ZMYM2: variants seen among roughly 807,000 people sequenced by gnomAD.
ZMYM2 encodes zinc finger MYM-type containing 2.
Under a neutral mutation model 162.8 loss-of-function variants are expected in ZMYM2, and 56 were observed. The observed-to-expected ratio is 0.34, with a 90% confidence interval of 0.28 to 0.43. The LOEUF (loss-of-function observed/expected upper bound fraction) is 0.43. Ranked by LOEUF, ZMYM2 falls within the 20% of genes least tolerant of loss-of-function variation. ZMYM2 has a pLI of 1.00. For missense variants in ZMYM2, 1,275 were observed against 1,621.8 expected (o/e 0.79, Z 3.67); for synonymous variants, 510 against 541.6 (o/e 0.94, Z 0.81).
chr13:20,085,421 A>G (rs887303450), intron 24 of ZMYM2, among the ~76,000 whole-genome samples: 2 of 152,214 alleles, frequency 1.3e-5, no homozygotes, highest in African/African-American at 4.8e-5. Context: ...TAGTGCTGTA[A>G]GAATTTTTTA....
intron 15 of ZMYM2, among the ~76,000 whole-genome samples, chr13:20,059,189 A>G (rs905397566): frequency 1.3e-5 from 2 of 151,920 alleles, no homozygotes; most frequent in African/African-American, 4.8e-5. Flanking sequence ...CTGGAACTAC[A>G]TAGTGTTTTT....
chr13:19,911,362 G>T, the ZMYM2 span, among the ~76,000 whole-genome samples: 2 of 152,014 alleles, frequency 1.3e-5, no homozygotes, highest in Admixed American at 1.3e-4. Flanking sequence ...TTCGGCCCCA[G>T]TTCTCAGTCT....
At chr13:19,954,593 G>A (rs901853862), upstream of ZMYM2, among the ~76,000 whole-genome samples, 3 of 151,998 alleles carry the variant, frequency 2.0e-5, no homozygotes, top group Admixed American at 6.5e-5. Context: ...TGGATTTTTG[G>A]TTGCTATAAT....
At chr13:20,079,512 T>G (rs1566472715) in intron 21 of ZMYM2, among the ~76,000 whole-genome samples, 1 of 152,036 alleles carries the variant, frequency 6.6e-6, no homozygotes, top group African/African-American at 2.4e-5. Flanking sequence ...TTCTGTAGAT[T>G]CTCATTGGTT....
the ZMYM2 span, among the ~76,000 whole-genome samples, chr13:19,890,930 G>T: frequency 6.6e-6 from 1 of 151,698 alleles, no homozygotes; most frequent in African/African-American, 2.4e-5. Context: ...AAGGTCTTCT[G>T]GTTCTCTTGG....
the ZMYM2 span, among the ~76,000 whole-genome samples, chr13:19,921,434 C>A: frequency 7.3e-3 from 1,108 of 152,196 alleles, 7 homozygotes; most frequent in Non-Finnish European, 0.011. Flanking sequence ...ACCACGGCGC[C>A]CAAACTTGTT....
At chr13:19,869,476 T>C in the ZMYM2 span, among the ~76,000 whole-genome samples, 10 of 152,168 alleles carry the variant, frequency 6.6e-5, no homozygotes, top group Non-Finnish European at 1.2e-4. Context: ...TATATAAGCA[T>C]AGCTACTAAA....
chr13:20,002,942 A>G lies in ZMYM2; in HGVS notation c.940A>G (p.Ile314Val). ...ACCAGTGGCCTCACTTCCTAAACAG[A>G]TTTTCCAGCCGTCTGTCCAACAGCA... ...LSPVASLPKQ[I>V]FQPSVQQQPT... The change falls in exon 4 of 25, where the codon ATT becomes GTT. Residue 314 changes from isoleucine (I) to valine (V), a missense_variant. Physicochemically the swap from Ile to Val is conservative, Grantham distance 29. Transcript: ENST00000610343. 1.2e-6 allele frequency: 2 copies of G among 1,614,104 alleles called. No individual in the cohort carries two copies. Among genetic ancestry groups the G allele is most frequent in the Non-Finnish European group, 1.7e-6 (2 of 1,180,018 alleles).
At chr13:20,014,416 G>A (rs1261857057) in intron 6 of ZMYM2, among the ~76,000 whole-genome samples, 1 of 152,144 alleles carries the variant, frequency 6.6e-6, no homozygotes, top group Non-Finnish European at 1.5e-5. Context: ...GTCTGTTCAC[G>A]TTTTCTATGT....
Position 19,978,438 on chromosome 13 carries a change from C to A in ZMYM2, c.-10-14625C>A, listed in dbSNP as rs568358021. Among the ~76,000 whole-genome samples the A allele has an allele frequency of 2.0e-5, 3 of 150,456 alleles. No homozygotes were observed. In the South Asian group the frequency reaches 6.3e-4, roughly 31 times the overall value. ...TGTTTTTTGGGTTTTTTTTTTGAGA[C>A]GAAGTTTTGCTCTTGTTGCCCAGGC... On this transcript the variant is annotated intron_variant, in intron 2 of 24. Coordinates refer to ENST00000610343, the MANE Select transcript of ZMYM2 (RefSeq NM_197968.4).
the ZMYM2 span, among the ~76,000 whole-genome samples, chr13:19,921,600 A>T: frequency 6.6e-6 from 1 of 152,110 alleles, no homozygotes; most frequent in Admixed American, 6.6e-5. Flanking sequence ...GCTATTGATT[A>T]AAAAAATATG....
chr13:19,939,638 C>CA, the ZMYM2 span, among the ~76,000 whole-genome samples: 1 of 151,828 alleles, frequency 6.6e-6, no homozygotes, highest in East Asian at 1.9e-4. Context: ...TTTGTGACAG[C>CA]AAAAAATTGA....
intron 2 of ZMYM2, among the ~76,000 whole-genome samples, chr13:19,969,599 A>G (rs1566177822): frequency 6.6e-6 from 1 of 152,210 alleles, no homozygotes. Flanking sequence ...AAGGGATTGA[A>G]TAAAAGAGAT....
At position 19,969,958 on chromosome 13, in the gene ZMYM2, C is replaced by T. The variant is rs140537821; in HGVS notation, c.-11+9932C>T. 594 of 800,436 alleles carry T rather than the reference C, an allele frequency of 7.4e-4. 5 individuals carry two copies. In the African/African-American group the frequency reaches 0.011, roughly 14 times the overall value. 49.6% of individuals were successfully genotyped at this position (800,436 alleles called of 1,614,324 possible). On this transcript the variant is annotated intron_variant, in intron 2 of 24. Transcript: ENST00000610343. ...TATTAGAGAAATAGATTCTTAGTAC[C>T]TGAAGTCTACCTTATTGGATCTCTG...
intron 2 of ZMYM2, among the ~76,000 whole-genome samples, chr13:19,986,042 C>A (rs1216416137): frequency 6.6e-6 from 1 of 151,698 alleles, no homozygotes; most frequent in East Asian, 1.9e-4. Flanking sequence ...ACAAAAAAAT[C>A]AGCCTGGCGT....
the ZMYM2 span, among the ~76,000 whole-genome samples, chr13:19,899,192 T>C: frequency 1.1e-3 from 163 of 151,664 alleles, no homozygotes; most frequent in Non-Finnish European, 1.8e-3. Context: ...CCTTGTGATC[T>C]GCCTGCCTCT....
intron 9 of ZMYM2, among the ~76,000 whole-genome samples, chr13:20,027,638 T>G (rs1952705332): frequency 6.6e-6 from 1 of 152,128 alleles, no homozygotes; most frequent in Non-Finnish European, 1.5e-5. Context: ...AACTGTTATG[T>G]GACAAACGGA....
the ZMYM2 span, among the ~76,000 whole-genome samples, chr13:19,868,024 C>T: frequency 6.6e-6 from 1 of 152,162 alleles, no homozygotes; most frequent in Non-Finnish European, 1.5e-5. Flanking sequence ...TTGCCAGCTC[C>T]CCAGAACCTT....
chr13:19,984,191 T>G (rs1391765304), intron 2 of ZMYM2, among the ~76,000 whole-genome samples: 1 of 152,264 alleles, frequency 6.6e-6, no homozygotes, highest in Non-Finnish European at 1.5e-5. Flanking sequence ...CAAGCACTAA[T>G]ATTTTCTTGA....
Sources: allele counts gnomAD v4.1 joint callset (sites outside exome capture counted in the v4.1 genomes callset), GRCh38; gene constraint gnomAD v4.1.1; transcripts MANE v1.5; gene names NCBI Gene and HGNC (gene_info 2026-07-23, HGNC 2026-07-21).